Variants in CDON observed in about 807,000 individuals in gnomAD.
CDON encodes the protein cell adhesion molecule-related/down-regulated by oncogenes.
In CDON, 73 loss-of-function variants were observed where a neutral mutation model predicts 120.9. That is an observed-to-expected ratio of 0.60 (90% CI 0.50 to 0.73). The LOEUF is 0.73. CDON is among the 30% of genes least tolerant of loss of function. CDON has a pLI of 0.00. For synonymous variants in CDON, 566 were observed against 573.5 expected, an observed-to-expected ratio of 0.99 and a Z score of 0.19; for missense variants, 1,470 against 1,587.3, an observed-to-expected ratio of 0.93 and a Z score of 1.26.
At chr11:126,028,029 CTA>C (rs1324441802) in intron 1 of CDON, among the ~76,000 whole-genome samples, 2 of 129,904 alleles carry the variant, frequency 1.5e-5, no homozygotes, top group Non-Finnish European at 3.2e-5. Context: ...TTAAAGCACT[CTA>C]TGTTGTCAAC....
rs1370616681 is a variant in CDON, at chr11:126,046,451, T to C, written c.-62+16128A>G. Among the ~76,000 whole-genome samples the C allele has an allele frequency of 3.9e-5, 6 of 152,152 alleles. No individual in the cohort carries two copies. The East Asian group carries it at 1.2e-3, about 29-fold the overall frequency. On this transcript the variant is annotated intron_variant, in intron 1 of 19. Transcript: ENST00000531738. ...AGACCAGTGACAAAAATTCAGTAAT[T>C]AGACCAATCTGTGGGGTCAAAGAAA... is the stretch of plus-strand genomic sequence containing the variant.
chr11:126,007,076 C>T (rs1009890204), intron 8 of CDON, among the ~76,000 whole-genome samples: 13 of 152,232 alleles, frequency 8.5e-5, no homozygotes, highest in Non-Finnish European at 1.3e-4. Context: ...TAAGGAGTGA[C>T]GGCTTGGTTT....
chr11:126,004,099 G>T (rs1947044508), intron 9 of CDON, 23 bp from the exon 10 acceptor site: 1 of 1,611,784 alleles, frequency 6.2e-7, no homozygotes, highest in Admixed American at 1.7e-5. Flanking sequence ...AAACACACCA[G>T]AAAAGAAAAG....
chr11:125,971,723 G>C (rs973642099), intron 18 of CDON, among the ~76,000 whole-genome samples: 43 of 151,986 alleles, frequency 2.8e-4, no homozygotes, highest in African/African-American at 1.0e-3. Context: ...GTCTCTCTAC[G>C]ACCCTTCGAG....
intron 1 of CDON, among the ~76,000 whole-genome samples, chr11:126,046,594 A>G (rs1477324950): frequency 6.6e-6 from 1 of 152,206 alleles, no homozygotes; most frequent in Admixed American, 6.5e-5. Flanking sequence ...GAGCCAGCTG[A>G]AAAAGGGCGA....
At chr11:125,987,942 T>C (rs187981014) in intron 15 of CDON, among the ~76,000 whole-genome samples, 1 of 152,350 alleles carries the variant, frequency 6.6e-6, no homozygotes, top group East Asian at 1.9e-4. Flanking sequence ...AAGCCTTGGC[T>C]TATCATTCAA....
rs750786915 is a variant in CDON at position 126,019,684 on chromosome 11, G to A, written c.431C>T (p.Pro144Leu). 10 of 1,613,872 alleles carry A rather than the reference G, an allele frequency of 6.2e-6. No homozygotes were observed. The Admixed American group carries it at 6.7e-5, about 11-fold the overall frequency. ...CACCTCAGCTTTGGGGTTACTCTCC[G>A]GTACCCTGCAGCCAATGAAACCAGC... The part of the protein sequence containing the change: ...KSAGFIGCRV[P>L]ESNPKAEVRY... The change falls in exon 4 of 20, where the codon CCG (proline) becomes CTG (leucine). Residue 144 changes from proline (P) to leucine (L), a missense_variant. Physicochemically the swap from Pro to Leu is moderately conservative, Grantham distance 98. Transcript: ENST00000531738.
At chr11:126,046,477 AGAAT>A (rs1948409271) in intron 1 of CDON, among the ~76,000 whole-genome samples, 1 of 151,572 alleles carries the variant, frequency 6.6e-6, no homozygotes, top group African/African-American at 2.4e-5. Flanking sequence ...GTCAAAGAAA[AGAAT>A]GAGATTCTCG....
In CDON at chr11:125,989,039, AAAAAT is replaced by A. The variant is rs1051284828; in HGVS notation, c.2773+593_2773+597del. Among the ~76,000 whole-genome samples, 7 of 152,308 alleles carry A rather than the reference AAAAAT, an allele frequency of 4.6e-5. No homozygotes were observed. In the East Asian group the frequency reaches 1.2e-3, roughly 25 times the overall value. ...AACACAGTGAGATGCCGTCTCTAAAAAAAATAAAATAAAATAAAAATAAAGAAAAG... is the reference window on the plus strand; with the variant it reads ...AACACAGTGAGATGCCGTCTCTAAAAAAAATAAAATAAAAATAAAGAAAAG... On this transcript the variant is annotated intron_variant, in intron 15 of 19. Coordinates refer to ENST00000531738, the MANE Select transcript of CDON (RefSeq NM_001378964.1).
At chr11:126,006,304 G>A (rs1947128762) in intron 8 of CDON, among the ~76,000 whole-genome samples, 2 of 152,166 alleles carry the variant, frequency 1.3e-5, no homozygotes, top group South Asian at 2.1e-4. Context: ...GCAGTTAAAC[G>A]TTCTTATTTT....
chr11:125,986,656 T>G (rs1946472359), intron 15 of CDON, among the ~76,000 whole-genome samples: 1 of 151,986 alleles, frequency 6.6e-6, no homozygotes, highest in Non-Finnish European at 1.5e-5. Flanking sequence ...TCCCAGCTAC[T>G]TGGGAGGCTG....
In CDON at chr11:126,017,180, C is replaced by T. The variant is rs1455362642; in HGVS notation, c.836G>A (p.Ser279Asn). ...GTTTCCGGAGTCCGCCGGGTCAACG[C>T]TATCAGTGGCAAGATGAGAATACAA... The part of the protein sequence containing the change: ...RRLYSHLATD[S>N]VDPADSGNYS... Residue 279 changes from serine (S) to asparagine (N), a missense_variant, in exon 6 of 20, where the codon AGC becomes AAC. Physicochemically the swap from Ser to Asn is conservative, Grantham distance 46. Transcript: ENST00000531738. 2 of 1,614,196 alleles carry T rather than the reference C, an allele frequency of 1.2e-6. No homozygotes were observed. The highest frequency in any genetic ancestry group is 1.7e-5 in the Admixed American group (1 of 60,018).
At position 125,984,229 on chromosome 11, in the gene CDON, A is replaced by G. The variant is rs1946397035; in HGVS notation, c.2774-136T>C. The stretch of plus-strand genomic sequence containing the variant: ...TGTTACTGAGATGACCTGACCACCA[A>G]TGAGTCACAAAGAGGGCTCCAAAGT... On this transcript the variant is annotated intron_variant, in intron 15 of 19. Transcript: ENST00000531738. 8 of 694,858 alleles carry G rather than the reference A, an allele frequency of 1.2e-5. 1 individual carries two copies. The highest frequency in any genetic ancestry group is 8.7e-5 in the Admixed American group (4 of 46,120). 43.0% of individuals were successfully genotyped at this position (694,858 alleles called of 1,614,324 possible).
chr11:126,062,673 G>GGCTACGGTGGCGGCGGCT lies in CDON; in HGVS notation c.-174_-157dup, dbSNP rs1948834151. On this transcript the variant is annotated 5_prime_UTR_variant, in exon 1 of 20. Transcript: ENST00000531738. ...CATCCCCCCGCGCGCGCGCGGCGGCGGCTACGGTGGCGGCGGCTGCGATCC... is the reference window on the plus strand; with the variant it reads ...CATCCCCCCGCGCGCGCGCGGCGGCGGCTACGGTGGCGGCGGCTGCTACGGTGGCGGCGGCTGCGATCC... 1 of 153,792 alleles carries GGCTACGGTGGCGGCGGCT rather than the reference G, an allele frequency of 6.5e-6. No homozygotes were observed. Among genetic ancestry groups the GGCTACGGTGGCGGCGGCT allele is most frequent in the African/African-American group, 2.4e-5 (1 of 41,240 alleles). The allele number at this position is 153,792 out of a possible 1,614,324, so 9.5% of individuals were successfully genotyped here.
chr11:125,974,520 A>C (rs977501333), intron 18 of CDON, among the ~76,000 whole-genome samples: 1 of 152,182 alleles, frequency 6.6e-6, no homozygotes, highest in African/African-American at 2.4e-5. Flanking sequence ...GGCAGTAAGA[A>C]AAAATAACAA....
rs1372350975 is a variant in CDON, at chr11:125,994,402, A to G, written c.2545-13T>C. The G allele has an allele frequency of 1.5e-6, 2 of 1,352,152 alleles. No individual in the cohort carries two copies. Among genetic ancestry groups the G allele is most frequent in the East Asian group, 4.6e-5 (2 of 43,616 alleles). The allele number at this position is 1,352,152 out of a possible 1,614,324, so 83.8% of individuals were successfully genotyped here. ...TTGATGGAATGTACTAAAAAACAGA[A>G]GCAAAGACTTGTCAAAGAGAAAAAT... On this transcript the variant is annotated splice_polypyrimidine_tract_variant and intron_variant, in intron 13 of 19. Coordinates refer to ENST00000531738, the MANE Select transcript of CDON (RefSeq NM_001378964.1).
At chr11:125,972,792 C>A (rs113302604) in intron 18 of CDON, among the ~76,000 whole-genome samples, 1 of 152,072 alleles carries the variant, frequency 6.6e-6, no homozygotes, top group Non-Finnish European at 1.5e-5. Flanking sequence ...AGAGTCCGTA[C>A]GGAAAAGGCC....
rs1465306548 is a variant in CDON, at chr11:126,006,028, T to C, written c.1582A>G (p.Thr528Ala). 5 of 1,613,952 alleles carry C rather than the reference T, an allele frequency of 3.1e-6. No individual in the cohort carries two copies. Among genetic ancestry groups the C allele is most frequent in the Non-Finnish European group, 4.2e-6 (5 of 1,180,014 alleles). The change falls in exon 9 of 20, where the codon ACA becomes GCA. Residue 528 changes from threonine (T) to alanine (A), a missense_variant. Thr to Ala is a moderately conservative substitution (Grantham distance 58). Coordinates refer to ENST00000531738, the MANE Select transcript of CDON (RefSeq NM_001378964.1). ...TGAGCAGCATCAGGAAGTGTGACTG[T>C]CTCTGCTTTTGTATTTGTTTCAAAA... is the stretch of plus-strand genomic sequence containing the variant. ...VPFETNTKAE[T>A]VTLPDAAQND...
In CDON at chr11:125,988,070, A is replaced by G. The variant is rs148839331; in HGVS notation, c.2773+1567T>C. 9.2e-5 allele frequency among the ~76,000 whole-genome samples: 14 copies of G among 152,310 alleles called. No homozygotes were observed. In the East Asian group the frequency reaches 2.7e-3, roughly 29 times the overall value. On this transcript the variant is annotated intron_variant, in intron 15 of 19. Transcript: ENST00000531738. The stretch of plus-strand genomic sequence containing the variant: ...CTGATGGCTGCCCAGCTCACTCAAC[A>G]GCCTTCTTTATCATGTTACGAGAGC...
Sources: allele counts gnomAD v4.1 joint callset (sites outside exome capture counted in the v4.1 genomes callset), GRCh38; gene constraint gnomAD v4.1.1; transcripts MANE v1.5; gene names NCBI Gene and HGNC (gene_info 2026-07-23, HGNC 2026-07-21).